NETO1: variants seen among roughly 807,000 people sequenced by gnomAD.
NETO1 encodes neuropilin and tolloid-like protein 1.
In NETO1, 26 loss-of-function variants were observed where a neutral mutation model predicts 61.3. The observed-to-expected ratio is 0.42, with a 90% CI of 0.31 to 0.59. The LOEUF is 0.59. Ranked by LOEUF, NETO1 falls within the 20% of genes least tolerant of loss-of-function variation. NETO1 has a pLI of 0.12. For synonymous variants in NETO1, 225 were observed against 225.8 expected (o/e 1.00, Z 0.03); for missense variants, 531 against 662.8 (o/e 0.80, Z 2.18).
At chr18:72,770,810 T>A (rs546416743) in intron 7 of NETO1, among the ~76,000 whole-genome samples, 1 of 152,174 alleles carries the variant, frequency 6.6e-6, no homozygotes, top group East Asian at 1.9e-4. Flanking sequence ...TGGCCTTGCT[T>A]ATTCTAGAGG....
intron 4 of NETO1, chr18:72,835,115 G>A (rs963112492): frequency 1.8e-5 from 21 of 1,189,488 alleles, no homozygotes; most frequent in Admixed American, 4.3e-5. Flanking sequence ...TACTAAGTCC[G>A]AATATGTGGC....
intron 4 of NETO1, chr18:72,835,111 G>T: frequency 8.5e-7 from 1 of 1,178,574 alleles, no homozygotes; most frequent in East Asian, 3.8e-5. Context: ...AATTTACTAA[G>T]TCCGAATATG....
At chr18:72,848,087 G>C (rs2074142715) in intron 4 of NETO1, among the ~76,000 whole-genome samples, 1 of 152,188 alleles carries the variant, frequency 6.6e-6, no homozygotes. Flanking sequence ...CATATTGAAG[G>C]CTGCCTATAT....
intron 4 of NETO1, among the ~76,000 whole-genome samples, chr18:72,851,847 T>C (rs2074260082): frequency 6.6e-6 from 1 of 152,234 alleles, no homozygotes; most frequent in African/African-American, 2.4e-5. Flanking sequence ...AAAGTTATAA[T>C]CTCAACACTT....
chr18:72,796,955 T>TA (rs1057404001), intron 4 of NETO1, among the ~76,000 whole-genome samples: 1 of 152,184 alleles, frequency 6.6e-6, no homozygotes, highest in Admixed American at 6.5e-5. Context: ...TACTGTGTAA[T>TA]AAAAGCCATG....
In NETO1 at chr18:72,756,899, A is replaced by T. The variant is rs540754187; in HGVS notation, c.869-752T>A. ...ACATGAGTTTAATATAGCAATGTAAAATGTTAGATATGATTTCAATATAAG... is the reference window on the plus strand; with the variant it reads ...ACATGAGTTTAATATAGCAATGTAATATGTTAGATATGATTTCAATATAAG... On this transcript the variant is annotated intron_variant, in intron 7 of 10. Coordinates refer to ENST00000327305, the MANE Select transcript of NETO1 (RefSeq NM_138966.5). Among the ~76,000 whole-genome samples the T allele has an allele frequency of 3.3e-5, 5 of 152,232 alleles. No homozygotes were observed. The East Asian group carries it at 9.7e-4, about 29-fold the overall frequency.
Position 72,824,719 on chromosome 18 carries a change from A to AC in NETO1, c.470-30316_470-30315insG, listed in dbSNP as rs1188953614. 2.7e-5 allele frequency among the ~76,000 whole-genome samples: 4 copies of AC among 150,152 alleles called. No homozygotes were observed. The East Asian group carries it at 7.8e-4, about 29-fold the overall frequency. On this transcript the variant is annotated intron_variant, in intron 4 of 10. Transcript: ENST00000327305. ...GTCTCTACTTAAAATACAAAAAAAA[A>AC]ACAAACAAAAAAAGCCAGTCATGGT... is the stretch of plus-strand genomic sequence containing the variant.
intron 4 of NETO1, among the ~76,000 whole-genome samples, chr18:72,806,836 G>A (rs2072689795): frequency 6.6e-6 from 1 of 152,076 alleles, no homozygotes; most frequent in Admixed American, 6.6e-5. Flanking sequence ...TCATGTTTGT[G>A]TACACATCTT....
chr18:72,820,979 A>T (rs185628304), intron 4 of NETO1, among the ~76,000 whole-genome samples: 16 of 152,232 alleles, frequency 1.1e-4, no homozygotes, highest in African/African-American at 3.9e-4. Flanking sequence ...CTTATAGGTG[A>T]TAGATAGACA....
At chr18:72,781,736 C>T (rs2071747915) in intron 7 of NETO1, among the ~76,000 whole-genome samples, 1 of 152,174 alleles carries the variant, frequency 6.6e-6, no homozygotes, top group Non-Finnish European at 1.5e-5. Context: ...TCCTCTGCTG[C>T]TGACAATAAG....
At chr18:72,748,935 T>G (rs2070497022) in intron 10 of NETO1, 79 bp downstream of exon 10, 2 of 862,044 alleles carry the variant, frequency 2.3e-6, no homozygotes, top group Admixed American at 3.8e-5. Flanking sequence ...AAATAGCACA[T>G]TCCCTAAAAA....
rs772907591 is a variant in NETO1, at chr18:72,859,078, TA to T, written c.221-5del. On this transcript the variant is annotated splice_polypyrimidine_tract_variant and splice_region_variant and intron_variant, in intron 3 of 10. Transcript: ENST00000327305. ...TCAATGCACTGTCTTGGAGCGGCTG[TA>T]AAGAAGAAAGATTGTGTCTAGGAGG... 2 of 1,586,226 alleles carry T rather than the reference TA, an allele frequency of 1.3e-6. No individual in the cohort carries two copies. The highest frequency in any genetic ancestry group is 2.3e-5 in the South Asian group (2 of 86,220).
At chr18:72,779,037 G>A (rs1599156983) in intron 7 of NETO1, among the ~76,000 whole-genome samples, 1 of 152,086 alleles carries the variant, frequency 6.6e-6, no homozygotes, top group African/African-American at 2.4e-5. Context: ...GCACCAGCGC[G>A]CTCGAAGCAC....
At chr18:72,759,652 A>G (rs924366960) in intron 7 of NETO1, among the ~76,000 whole-genome samples, 6 of 152,230 alleles carry the variant, frequency 3.9e-5, no homozygotes, top group African/African-American at 1.4e-4. Flanking sequence ...CCAACGCAGC[A>G]TGTAGTGGCT....
intron 4 of NETO1, among the ~76,000 whole-genome samples, chr18:72,818,512 C>T (rs1489027057): frequency 6.6e-6 from 1 of 152,150 alleles, no homozygotes; most frequent in Non-Finnish European, 1.5e-5. Flanking sequence ...ATGCTTCTTC[C>T]TCGAAATTTT....
At chr18:72,827,363 AC>A (rs2073412983) in intron 4 of NETO1, among the ~76,000 whole-genome samples, 1 of 151,960 alleles carries the variant, frequency 6.6e-6, no homozygotes, top group South Asian at 2.1e-4. Context: ...CTGCAGAATG[AC>A]CCTCCAGCCC....
chr18:72,839,643 A>C (rs1004308187), intron 4 of NETO1, among the ~76,000 whole-genome samples: 5 of 152,142 alleles, frequency 3.3e-5, no homozygotes, highest in Middle Eastern at 3.4e-3. Context: ...TAAAATGCCT[A>C]TTTCTTTTAA....
At chr18:72,763,808 T>C (rs534550268) in intron 7 of NETO1, among the ~76,000 whole-genome samples, 1 of 152,302 alleles carries the variant, frequency 6.6e-6, no homozygotes, top group African/African-American at 2.4e-5. Context: ...ATTAGTCCGT[T>C]GTCAGGCTGC....
intron 7 of NETO1, among the ~76,000 whole-genome samples, chr18:72,773,740 C>T (rs2071454032): frequency 6.6e-6 from 1 of 152,104 alleles, no homozygotes; most frequent in African/African-American, 2.4e-5. Flanking sequence ...GAGGCCTCTC[C>T]AGCTATGTGT....
Sources: allele counts gnomAD v4.1 joint callset (sites outside exome capture counted in the v4.1 genomes callset), GRCh38; gene constraint gnomAD v4.1.1; transcripts MANE v1.5; gene names NCBI Gene and HGNC (gene_info 2026-07-23, HGNC 2026-07-21).